The following NBEAL1 variants were observed in gnomAD, a reference collection of about 807,000 sequenced individuals.
The protein encoded by NBEAL1 is neurobeachin-like protein 1.
In NBEAL1, 273 loss-of-function variants were observed where a neutral mutation model predicts 351.3. The ratio of observed to expected loss-of-function variants is 0.78; its 90% confidence interval spans 0.70 to 0.86. The LOEUF is 0.86. Among genes scored for constraint, NBEAL1 ranks in the 40% least tolerant of loss-of-function variants. NBEAL1 has a pLI of 0.00. For missense variants in NBEAL1, 2,961 were observed against 3,201.3 expected, an observed-to-expected ratio of 0.92 and a Z score of 1.81; for synonymous variants, 1,050 against 1,086.4, an observed-to-expected ratio of 0.97 and a Z score of 0.66.
chr2:203,115,447 T>C (rs998172497), intron 17 of NBEAL1, among the ~76,000 whole-genome samples: 1 of 152,044 alleles, frequency 6.6e-6, no homozygotes, highest in Non-Finnish European at 1.5e-5. Context: ...TGTTTGTTTT[T>C]GTTTTTGAGA....
At chr2:203,195,660 A>G (rs2065220634) in intron 47 of NBEAL1, among the ~76,000 whole-genome samples, 1 of 152,228 alleles carries the variant, frequency 6.6e-6, no homozygotes, top group Non-Finnish European at 1.5e-5. Context: ...CATGGTGTGC[A>G]GTCCAGGGGA....
chr2:203,063,142 G>C (rs1311085633), intron 6 of NBEAL1, among the ~76,000 whole-genome samples: 1 of 152,138 alleles, frequency 6.6e-6, no homozygotes, highest in Admixed American at 6.6e-5. Flanking sequence ...ATCTCAGAAA[G>C]TTAGAAAGAT....
At chr2:203,209,707 A>G (rs1461727102) in intron 53 of NBEAL1, among the ~76,000 whole-genome samples, 1 of 47,814 alleles carries the variant, frequency 2.1e-5, no homozygotes, top group African/African-American at 5.0e-5. Context: ...TATTTATTTA[A>G]TTAATATGTG....
chr2:203,162,705 A>C (rs2064005134), intron 36 of NBEAL1, among the ~76,000 whole-genome samples: 2 of 152,170 alleles, frequency 1.3e-5, no homozygotes, highest in African/African-American at 4.8e-5. Context: ...GATTGCAGTG[A>C]TTTTATCAGA....
chr2:203,168,547 C>G (rs760099398), intron 38 of NBEAL1, among the ~76,000 whole-genome samples: 1 of 152,140 alleles, frequency 6.6e-6, no homozygotes, highest in Non-Finnish European at 1.5e-5. Flanking sequence ...CACGCTATTG[C>G]ACTCCAGCCT....
At chr2:203,171,367 G>A (rs956146892) in intron 39 of NBEAL1, among the ~76,000 whole-genome samples, 1 of 152,072 alleles carries the variant, frequency 6.6e-6, no homozygotes, top group African/African-American at 2.4e-5. Flanking sequence ...TGCTTTGGGA[G>A]GTCAAGCCAG....
rs1575105353 is a variant in NBEAL1 at position 203,188,559 on chromosome 2, C to T, written c.6793C>T (p.Leu2265Phe). 6.2e-7 allele frequency: 1 copy of T among 1,606,686 alleles called. No individual in the cohort carries two copies. The highest frequency in any genetic ancestry group is 1.7e-4 in the Middle Eastern group (1 of 6,012). ...KQRGPAAVEALNVFYYCSYEG... is the reference protein window; with the variant it reads ...KQRGPAAVEAFNVFYYCSYEG... ...GAGGGGACCAGCTGCAGTAGAGGCACTCAACGTTTTCTATTATTGTAGTTA... is the reference window on the plus strand; with the variant it reads ...GAGGGGACCAGCTGCAGTAGAGGCATTCAACGTTTTCTATTATTGTAGTTA... The change falls in exon 45 of 56, where the codon CTC becomes TTC. Residue 2265 changes from leucine (L) to phenylalanine (F), a missense_variant. Physicochemically the swap from Leu to Phe is conservative, Grantham distance 22. Transcript: ENST00000683969.
rs535274652 is a variant in NBEAL1, at chr2:203,170,185, A to G, written c.6102+334A>G. ...TGGGAGTTCAAGACCAGCCTGGCCAACATGGTGAAACCCCATCTCTACTAA... is the reference window on the plus strand; with the variant it reads ...TGGGAGTTCAAGACCAGCCTGGCCAGCATGGTGAAACCCCATCTCTACTAA... On this transcript the variant is annotated intron_variant, in intron 39 of 55. Coordinates refer to ENST00000683969, the MANE Select transcript of NBEAL1 (RefSeq NM_001378026.1). 3.7e-3 allele frequency among the ~76,000 whole-genome samples: 566 copies of G among 152,304 alleles called. 4 individuals carry two copies. The highest frequency in any genetic ancestry group is 6.8e-3 in the Middle Eastern group (2 of 294).
chr2:203,047,964 A>G (rs1043286734), intron 3 of NBEAL1, among the ~76,000 whole-genome samples: 11 of 151,454 alleles, frequency 7.3e-5, no homozygotes, highest in South Asian at 2.1e-4. Context: ...CCAATTTTCT[A>G]TTTCTTAGCT....
At chr2:203,169,927 C>T in intron 39 of NBEAL1, 76 bp downstream of exon 39, 4 of 939,910 alleles carry the variant, frequency 4.3e-6, no homozygotes, top group Non-Finnish European at 6.6e-6. Flanking sequence ...TCTGATTTTC[C>T]TTTGATTTTT....
intron 7 of NBEAL1, among the ~76,000 whole-genome samples, chr2:203,069,885 C>A (rs1369793007): frequency 1.3e-5 from 2 of 152,134 alleles, no homozygotes; most frequent in Non-Finnish European, 2.9e-5. Flanking sequence ...GTCTCAGACT[C>A]CTGGCCTCAA....
chr2:203,020,944 G>A (rs570678531), intron 2 of NBEAL1, among the ~76,000 whole-genome samples: 5 of 151,986 alleles, frequency 3.3e-5, no homozygotes, highest in South Asian at 2.1e-4. Flanking sequence ...TTTTGGAGAC[G>A]GAGTCTCACT....
At chr2:203,179,676 A>G (rs2106436433) in intron 42 of NBEAL1, among the ~76,000 whole-genome samples, 1 of 152,312 alleles carries the variant, frequency 6.6e-6, no homozygotes, top group South Asian at 2.1e-4. Context: ...CTATAGATCT[A>G]TTAACCAAGT....
chr2:203,020,348 C>T lies in NBEAL1; in HGVS notation c.51+3913C>T, dbSNP rs145422998. ...CCAACAGTCCTGCTTTCTAAAGATT[C>T]TTTCACCAGTGTATAAGACTATTAA... On this transcript the variant is annotated intron_variant, in intron 2 of 55. Transcript: ENST00000683969. Among the ~76,000 whole-genome samples, 5 of 152,280 alleles carry T rather than the reference C, an allele frequency of 3.3e-5. No individual in the cohort carries two copies. In the East Asian group the frequency reaches 9.6e-4, roughly 29 times the overall value.
At chr2:203,211,379 G>A (rs962413560) in intron 54 of NBEAL1, among the ~76,000 whole-genome samples, 2 of 152,070 alleles carry the variant, frequency 1.3e-5, no homozygotes, top group African/African-American at 2.4e-5. Context: ...AGTCACTCCT[G>A]CCTGTAATCC....
intron 48 of NBEAL1, 53 bp downstream of exon 48, chr2:203,197,444 T>A: frequency 8.4e-7 from 1 of 1,195,842 alleles, no homozygotes; most frequent in Admixed American, 1.9e-5. Context: ...CATTACAACT[T>A]AGAAAAAAAG....
At chr2:203,194,259 A>G in intron 47 of NBEAL1, among the ~76,000 whole-genome samples, 1 of 152,234 alleles carries the variant, frequency 6.6e-6, no homozygotes, top group East Asian at 1.9e-4. Flanking sequence ...GCTCATATAT[A>G]AAATAGATCC....
At chr2:203,128,847 C>T (rs1178730454) in intron 24 of NBEAL1, among the ~76,000 whole-genome samples, 6 of 151,852 alleles carry the variant, frequency 4.0e-5, no homozygotes, top group Non-Finnish European at 7.4e-5. Context: ...CCGCCCGCCT[C>T]GGCCTCCCAA....
chr2:203,116,261 A>G (rs982480108), intron 18 of NBEAL1, among the ~76,000 whole-genome samples, 191 bp downstream of exon 18: 2 of 152,208 alleles, frequency 1.3e-5, no homozygotes, highest in Non-Finnish European at 2.9e-5. Context: ...ACGAGGGTCC[A>G]AATATTATCA....
Sources: gnomAD v4.1 joint callset for allele counts (sites outside exome capture counted in the v4.1 genomes callset) on GRCh38, gnomAD v4.1.1 for gene constraint, MANE v1.5 for transcripts, NCBI Gene and HGNC (gene_info 2026-07-23, HGNC 2026-07-21) for gene names.